Variants in TLE1 observed in about 807,000 individuals in gnomAD.
The protein encoded by TLE1 is transducin-like enhancer protein 1.
Under a neutral mutation model 89.8 loss-of-function variants are expected in TLE1, and 21 were observed. The ratio of observed to expected loss-of-function variants is 0.23; its 90% CI spans 0.17 to 0.34. TLE1 has a LOEUF of 0.34. Among genes scored for constraint, TLE1 ranks in the 10% least tolerant of loss-of-function variants. TLE1 has a pLI of 1.00. For synonymous variants in TLE1, 447 were observed against 407.6 expected (o/e 1.10, Z -1.16); for missense variants, 795 against 1,031.2 (o/e 0.77, Z 3.14).
intron 6 of TLE1, 127 bp from the exon 7 acceptor site, chr9:81,634,428 G>A (rs1827113162): frequency 1.4e-6 from 1 of 733,010 alleles, no homozygotes; most frequent in African/African-American, 1.8e-5. Flanking sequence ...AACAGAACAG[G>A]AGGTTCAACA....
At chr9:81,675,870 TTC>T (rs1370460571) in intron 4 of TLE1, among the ~76,000 whole-genome samples, 17 of 151,626 alleles carry the variant, frequency 1.1e-4, no homozygotes, top group Non-Finnish European at 1.5e-5. Context: ...CCAGCTAATT[TTC>T]GTATTTTCAG....
intron 2 of TLE1, 105 bp downstream of exon 2, chr9:81,687,229 A>C: frequency 1.1e-6 from 1 of 901,416 alleles, no homozygotes; most frequent in South Asian, 1.6e-5. Context: ...TCCACACGCC[A>C]CCGCCTGGAC....
chr9:81,650,313 C>CT (rs1829385331), intron 6 of TLE1, among the ~76,000 whole-genome samples: 1 of 152,152 alleles, frequency 6.6e-6, no homozygotes, highest in Non-Finnish European at 1.5e-5. Context: ...TGGGCGGTGC[C>CT]TTTGAGAATT....
intron 4 of TLE1, among the ~76,000 whole-genome samples, chr9:81,681,965 G>C (rs973030347): frequency 6.6e-6 from 1 of 152,154 alleles, no homozygotes; most frequent in African/African-American, 2.4e-5. Context: ...GCACAGACAG[G>C]CCGGGTGTGG....
chr9:81,596,810 T>C (rs1386419461), intron 14 of TLE1, among the ~76,000 whole-genome samples: 1 of 152,224 alleles, frequency 6.6e-6, no homozygotes, highest in African/African-American at 2.4e-5. Flanking sequence ...TGGGCAATGA[T>C]CCTGCTCTGT....
Position 81,688,695 on chromosome 9 carries a change from T to G in TLE1, c.-455A>C. On this transcript the variant is annotated 5_prime_UTR_variant, in exon 1 of 20. Transcript: ENST00000376499. ...TGCTCTTCTCCTGGTCCGCCTCCTC[T>G]TCGGGCTTTCCCCGAGGCGGCGGCG... 1 of 157,706 alleles carries G rather than the reference T, an allele frequency of 6.3e-6. No individual in the cohort carries two copies. The highest frequency in any genetic ancestry group is 3.1e-3 in the Middle Eastern group (1 of 326). 9.8% of individuals were successfully genotyped at this position (157,706 alleles called of 1,614,324 possible).
rs1834669773 is a variant in TLE1, at chr9:81,688,529, G to A, written c.-289C>T. 2 of 341,864 alleles carry A rather than the reference G, an allele frequency of 5.9e-6. No homozygotes were observed. Among genetic ancestry groups the A allele is most frequent in the East Asian group, 4.7e-5 (1 of 21,418 alleles). The allele number at this position is 341,864 out of a possible 1,614,324, so 21.2% of individuals were successfully genotyped here. A position where few individuals can be genotyped will look rare whatever the true frequency, so the allele number is the denominator to read the frequency against. On this transcript the variant is annotated 5_prime_UTR_variant, in exon 1 of 20. Transcript: ENST00000376499. ...GACGTCGGGCGCTCGGGGACTGTGC[G>A]CGGGGGCAGCGCTCCAACCCCCGGC... is the stretch of plus-strand genomic sequence containing the variant.
intron 4 of TLE1, among the ~76,000 whole-genome samples, chr9:81,668,931 CTG>C (rs201852120): frequency 0.018 from 2,716 of 152,268 alleles, 34 homozygotes; most frequent in Middle Eastern, 0.034. Flanking sequence ...TTATATGCTC[CTG>C]TGTGTTTTTA....
chr9:81,668,907 G>C (rs1304271494), intron 4 of TLE1, among the ~76,000 whole-genome samples: 1 of 152,204 alleles, frequency 6.6e-6, no homozygotes, highest in Non-Finnish European at 1.5e-5. Context: ...TATTTTACAA[G>C]TGGACAAATC....
intron 4 of TLE1, among the ~76,000 whole-genome samples, chr9:81,669,875 A>C (rs1831994747): frequency 2.6e-5 from 4 of 152,236 alleles, no homozygotes; most frequent in Admixed American, 2.6e-4. Flanking sequence ...GACTTTTTAA[A>C]GATAATGTTG....
chr9:81,680,324 AAG>A (rs1384625350), intron 4 of TLE1, among the ~76,000 whole-genome samples: 3 of 152,172 alleles, frequency 2.0e-5, no homozygotes, highest in South Asian at 2.1e-4. Flanking sequence ...CAAAGGCAGA[AAG>A]AGGGGGAGGC....
At chr9:81,634,773 T>C (rs1266562733) in intron 6 of TLE1, among the ~76,000 whole-genome samples, 1 of 152,072 alleles carries the variant, frequency 6.6e-6, no homozygotes, top group African/African-American at 2.4e-5. Flanking sequence ...TGGGGATGCA[T>C]CCCACAATAT....
intron 14 of TLE1, among the ~76,000 whole-genome samples, chr9:81,607,974 T>G (rs1438775166): frequency 6.6e-6 from 1 of 152,220 alleles, no homozygotes; most frequent in Non-Finnish European, 1.5e-5. Flanking sequence ...ATATGAAAAG[T>G]AGAGCAATGG....
chr9:81,660,341 CA>C (rs36108203), intron 4 of TLE1, among the ~76,000 whole-genome samples: 2,071 of 114,706 alleles, frequency 0.018, 36 homozygotes, highest in African/African-American at 0.066. Context: ...AGGCTGTTCA[CA>C]AAAAAAAAAA....
At chr9:81,618,835 T>C (rs559246661) in intron 9 of TLE1, among the ~76,000 whole-genome samples, 3 of 152,324 alleles carry the variant, frequency 2.0e-5, no homozygotes, top group Non-Finnish European at 4.4e-5. Context: ...GTAATTTAAA[T>C]CTTAGCTTTG....
chr9:81,675,708 G>GTTTTTT (rs61458315), intron 4 of TLE1, among the ~76,000 whole-genome samples: 3 of 132,438 alleles, frequency 2.3e-5, no homozygotes, highest in African/African-American at 9.1e-5. Flanking sequence ...GTTTTTTTTT[G>GTTTTTT]TTTTTTTTTT....
chr9:81,622,079 A>AC (rs1033978129), intron 8 of TLE1, among the ~76,000 whole-genome samples: 13 of 151,998 alleles, frequency 8.6e-5, no homozygotes, highest in Non-Finnish European at 1.6e-4. Flanking sequence ...TCCAACCCAG[A>AC]CCCCCAGCTG....
chr9:81,653,962 A>C lies in TLE1; in HGVS notation c.297+12T>G. 6.2e-7 allele frequency: 1 copy of C among 1,613,488 alleles called. No homozygotes were observed. Among genetic ancestry groups the C allele is most frequent in the South Asian group, 1.1e-5 (1 of 91,058 alleles). The stretch of plus-strand genomic sequence containing the variant: ...CATAATTGCACTTTAACAGCTGAAC[A>C]ATTTTACTTACTTCCTGAGACAGAA... On this transcript the variant is annotated intron_variant, in intron 5 of 19. Coordinates refer to ENST00000376499, the MANE Select transcript of TLE1 (RefSeq NM_005077.5).
intron 8 of TLE1, among the ~76,000 whole-genome samples, chr9:81,623,617 T>A (rs12236029): frequency 0.035 from 1,555 of 44,414 alleles, 52 homozygotes; most frequent in East Asian, 0.11. Context: ...CATCTGTACT[T>A]AAAAAAAAAA....
Sources: allele counts gnomAD v4.1 joint callset (sites outside exome capture counted in the v4.1 genomes callset), GRCh38; gene constraint gnomAD v4.1.1; transcripts MANE v1.5; gene names NCBI Gene and HGNC (gene_info 2026-07-23, HGNC 2026-07-21).